Variants in SNX29 observed in about 807,000 individuals in gnomAD.
SNX29 encodes the protein sorting nexin 29, also known as sorting nexin-29.
SNX29 carries 78 observed loss-of-function variants against 102.1 expected under a neutral mutation model. The ratio of observed to expected loss-of-function variants is 0.76; its 90% CI spans 0.64 to 0.92. The LOEUF is 0.92. Ranked by LOEUF, SNX29 falls within the 40% of genes least tolerant of loss-of-function variation. The pLI is 0.00. For synonymous variants in SNX29, 580 were observed against 414.5 expected (o/e 1.40, Z -4.85); for missense variants, 1,280 against 1,061.7 (o/e 1.21, Z -2.86).
intron 12 of SNX29, 118 bp from the exon 13 acceptor site, chr16:12,129,512 A>T: frequency 1.5e-6 from 2 of 1,319,362 alleles, no homozygotes; most frequent in Non-Finnish European, 1.0e-6. Flanking sequence ...ATTATGGTTT[A>T]TGCAGAGCCT....
chr16:12,517,867 G>A (rs1304419324), intron 19 of SNX29, among the ~76,000 whole-genome samples: 1 of 152,152 alleles, frequency 6.6e-6, no homozygotes, highest in Non-Finnish European at 1.5e-5. Flanking sequence ...ATTGGCACAG[G>A]AGCGAAGACC....
At chr16:12,047,516 G>C (rs1192728415) in intron 6 of SNX29, among the ~76,000 whole-genome samples, 1 of 152,144 alleles carries the variant, frequency 6.6e-6, no homozygotes, top group Non-Finnish European at 1.5e-5. Context: ...GTGCACATTT[G>C]ATGGTTTATG....
intron 15 of SNX29, among the ~76,000 whole-genome samples, chr16:12,294,744 G>A (rs2079922945): frequency 6.6e-6 from 1 of 152,170 alleles, no homozygotes; most frequent in Non-Finnish European, 1.5e-5. Context: ...TCTGTCACTT[G>A]GCTGAGAACT....
intron 11 of SNX29, chr16:12,093,515 G>C (rs2151416521): frequency 6.6e-6 from 1 of 152,394 alleles, no homozygotes; most frequent in South Asian, 2.1e-4. Context: ...TCGGAAGGTT[G>C]AGGCAGGAGG....
chr16:12,019,591 T>G (rs9923512), intron 3 of SNX29, among the ~76,000 whole-genome samples: 28,048 of 142,672 alleles, frequency 0.2, 2,971 homozygotes, highest in Non-Finnish European at 0.24. Flanking sequence ...AATATATATA[T>G]ATAGATAGAT....
intron 15 of SNX29, among the ~76,000 whole-genome samples, chr16:12,288,024 A>G (rs1223709122): frequency 6.6e-6 from 1 of 152,132 alleles, no homozygotes; most frequent in Non-Finnish European, 1.5e-5. Context: ...TGTAATTACA[A>G]AAAAAAATTT....
chr16:12,284,091 C>G (rs2079518579), intron 15 of SNX29, among the ~76,000 whole-genome samples: 1 of 152,248 alleles, frequency 6.6e-6, no homozygotes, highest in South Asian at 2.1e-4. Context: ...TTGGACTCAT[C>G]TTCAGAGATG....
chr16:12,077,307 G>A (rs1385232162), intron 10 of SNX29, among the ~76,000 whole-genome samples: 2 of 151,174 alleles, frequency 1.3e-5, no homozygotes, highest in Non-Finnish European at 2.9e-5. Context: ...AAATGCAACA[G>A]TAAATGAAAA....
intron 9 of SNX29, among the ~76,000 whole-genome samples, chr16:12,063,571 G>A (rs555288556): frequency 7.2e-5 from 11 of 151,982 alleles, no homozygotes; most frequent in South Asian, 6.2e-4. Context: ...TAGAGATGGC[G>A]TTTCGCCATG....
At chr16:12,479,625 A>G (rs1022774680) in intron 19 of SNX29, among the ~76,000 whole-genome samples, 2 of 152,218 alleles carry the variant, frequency 1.3e-5, no homozygotes, top group Non-Finnish European at 2.9e-5. Context: ...AATTCTTTTG[A>G]AAAGAGGGGA....
chr16:12,450,933 C>A (rs1311663293), intron 18 of SNX29, among the ~76,000 whole-genome samples: 1 of 152,132 alleles, frequency 6.6e-6, no homozygotes, highest in Non-Finnish European at 1.5e-5. Flanking sequence ...CATCCCCCTG[C>A]TTGCCCAGTA....
intron 13 of SNX29, among the ~76,000 whole-genome samples, chr16:12,164,842 C>A (rs1464682590): frequency 6.6e-6 from 1 of 152,052 alleles, no homozygotes; most frequent in Non-Finnish European, 1.5e-5. Context: ...TGCCCACCAC[C>A]ATGCCCAGCT....
intron 18 of SNX29, among the ~76,000 whole-genome samples, chr16:12,474,731 G>C (rs573875715): frequency 2.0e-5 from 3 of 152,342 alleles, no homozygotes; most frequent in South Asian, 4.1e-4. Flanking sequence ...CCTGTGGGCT[G>C]TTCTTAACTC....
chr16:12,561,571 C>T (rs559875769), intron 20 of SNX29, among the ~76,000 whole-genome samples: 4 of 152,142 alleles, frequency 2.6e-5, no homozygotes, highest in Non-Finnish European at 4.4e-5. Flanking sequence ...TTGAGGCTGT[C>T]CGATTAATGT....
chr16:12,125,781 C>T (rs1449172267), intron 11 of SNX29, among the ~76,000 whole-genome samples: 2 of 151,972 alleles, frequency 1.3e-5, no homozygotes, highest in Admixed American at 6.6e-5. Context: ...CTACTTGAGG[C>T]AGTACTTGCC....
At position 12,451,537 on chromosome 16, in the gene SNX29, A is replaced by G. The variant is rs116712655; in HGVS notation, c.2038-26182A>G. 9.4e-3 allele frequency among the ~76,000 whole-genome samples: 1,426 copies of G among 152,338 alleles called. 28 individuals are homozygous for G. The highest frequency in any genetic ancestry group is 0.032 in the African/African-American group (1,340 of 41,570). On this transcript the variant is annotated intron_variant, in intron 18 of 20. Transcript: ENST00000566228. ...CAGCAGCCTTTTAGCATTAACAGAA[A>G]TAGGAAAGGCTGCCATGCACTGGTT... is the stretch of plus-strand genomic sequence containing the variant.
intron 16 of SNX29, among the ~76,000 whole-genome samples, chr16:12,390,346 A>G (rs1164964659): frequency 6.6e-6 from 1 of 152,030 alleles, no homozygotes; most frequent in African/African-American, 2.4e-5. Flanking sequence ...AGCCGTGCTC[A>G]TCTCCCTTAT....
At chr16:12,321,136 C>G (rs1487514054) in intron 15 of SNX29, among the ~76,000 whole-genome samples, 1 of 152,106 alleles carries the variant, frequency 6.6e-6, no homozygotes, top group African/African-American at 2.4e-5. Flanking sequence ...CCAGAGTGTC[C>G]CTTCTGTCAG....
Position 12,496,302 on chromosome 16 carries a change from G to A in SNX29, c.2178+18443G>A, listed in dbSNP as rs183420093. ...AAGTCAGGGGTTGTGTTTCCGTGGT[G>A]GTGGTGATGATAAGTACGATAAACC... On this transcript the variant is annotated intron_variant, in intron 19 of 20. Transcript: ENST00000566228. Among the ~76,000 whole-genome samples the A allele has an allele frequency of 7.0e-4, 107 of 152,294 alleles. 1 individual carries two copies. The highest frequency in any genetic ancestry group is 1.2e-3 in the East Asian group (6 of 5,176).
Sources: allele counts gnomAD v4.1 joint callset (sites outside exome capture counted in the v4.1 genomes callset), GRCh38; gene constraint gnomAD v4.1.1; transcripts MANE v1.5; gene names NCBI Gene and HGNC (gene_info 2026-07-23, HGNC 2026-07-21).